Variants in KCTD1 observed in about 807,000 individuals in gnomAD.
The protein encoded by KCTD1 is potassium channel tetramerization domain containing 1, also known as BTB/POZ domain-containing protein KCTD1.
A neutral mutation model predicts 66.0 loss-of-function variants in KCTD1; 24 were observed. The ratio of observed to expected loss-of-function variants is 0.36; its 90% CI spans 0.26 to 0.51. KCTD1 has a LOEUF of 0.51. KCTD1 is among the 20% of genes least tolerant of loss of function. The probability of loss-of-function intolerance (pLI) is 0.95; values close to 1 mark genes in which losing one functional copy is unlikely to be tolerated. For synonymous variants in KCTD1, 511 were observed against 517.2 expected (o/e 0.99, Z 0.16); for missense variants, 943 against 1,205.2 (o/e 0.78, Z 3.22).
chr18:26,515,181 T>C (rs906557773), intron 1 of KCTD1, among the ~76,000 whole-genome samples: 6 of 152,324 alleles, frequency 3.9e-5, no homozygotes, highest in African/African-American at 1.4e-4. Flanking sequence ...TAGAAAACCA[T>C]TGTAACTTGT....
Position 26,501,343 on chromosome 18 carries a change from G to A in KCTD1, c.1810-93C>T, listed in dbSNP as rs188228540. On this transcript the variant is annotated intron_variant, in intron 1 of 4. Transcript: ENST00000580059. ...CATAAAGAATAAACGAGTGATTAAC[G>A]ATACTCATTCAGTAATAAAACCTGA... The A allele has an allele frequency of 6.4e-5, 70 of 1,102,076 alleles. 1 individual carries two copies. Among genetic ancestry groups the A allele is most frequent in the Admixed American group, 5.5e-4 (22 of 40,346 alleles). The allele number at this position is 1,102,076 out of a possible 1,614,324, so 68.3% of individuals were successfully genotyped here.
rs1424852945 is a variant in KCTD1 at position 26,459,611 on chromosome 18, A to G, written c.2439+9T>C. On this transcript the variant is annotated intron_variant, in intron 4 of 4. Coordinates refer to ENST00000580059, the MANE Select transcript of KCTD1 (RefSeq NM_001142730.3). ...ATTTGATGCCACACAGTGCGTAACA[A>G]TGCTATACCTGGACTGAGTTGAGGT... The G allele has an allele frequency of 2.5e-6, 4 of 1,576,824 alleles. No individual in the cohort carries two copies. The highest frequency in any genetic ancestry group is 3.4e-4 in the Middle Eastern group (2 of 5,882).
intron 1 of KCTD1, among the ~76,000 whole-genome samples, chr18:26,535,255 CTGCATTCCTTTTCTCTTTTAATTAAG>C (rs555944422): frequency 2.9e-4 from 44 of 152,306 alleles, no homozygotes; most frequent in Middle Eastern, 3.4e-3. Flanking sequence ...TGCATCAGAA[CTGCATTCCTTTTCTCTTTTAATTAAG>C]TGCTCTGAAT....
At chr18:26,515,732 A>G (rs527917301) in intron 1 of KCTD1, among the ~76,000 whole-genome samples, 13 of 151,598 alleles carry the variant, frequency 8.6e-5, no homozygotes, top group Non-Finnish European at 1.8e-4. Flanking sequence ...CTGGTCTCGA[A>G]CTCCTGGCCT....
chr18:26,648,520 T>C (rs1261996357), intron 1 of KCTD1, among the ~76,000 whole-genome samples: 1 of 152,226 alleles, frequency 6.6e-6, no homozygotes, highest in Non-Finnish European at 1.5e-5. Context: ...TATTTACACC[T>C]CTTTGGAATT....
At chr18:26,647,056 G>A (rs1485852439) in intron 1 of KCTD1, among the ~76,000 whole-genome samples, 1 of 152,110 alleles carries the variant, frequency 6.6e-6, no homozygotes, top group Non-Finnish European at 1.5e-5. Context: ...CTACTAAGTG[G>A]GGATGAGCTA....
At chr18:26,603,070 T>G (rs532982148) in intron 1 of KCTD1, among the ~76,000 whole-genome samples, 5 of 152,246 alleles carry the variant, frequency 3.3e-5, no homozygotes, top group Middle Eastern at 3.4e-3. Context: ...GCTAGCCATA[T>G]GCAGAAGATT....
rs538156072 is a variant in KCTD1, at chr18:26,473,370, G to A, written c.2133+3145C>T. 5.3e-5 allele frequency among the ~76,000 whole-genome samples: 8 copies of A among 152,132 alleles called. No individual in the cohort carries two copies. The East Asian group carries it at 9.7e-4, about 18-fold the overall frequency. ...TGGGAGCTGAACAATGAGAATACATGGACAAAGGGAGGGGAACAACACACA... is the reference window on the plus strand; with the variant it reads ...TGGGAGCTGAACAATGAGAATACATAGACAAAGGGAGGGGAACAACACACA... On this transcript the variant is annotated intron_variant, in intron 3 of 4. Transcript: ENST00000580059.
At chr18:26,591,406 G>A (rs1986599229) in intron 1 of KCTD1, 1 of 152,064 alleles carries the variant, frequency 6.6e-6, no homozygotes, top group African/African-American at 2.4e-5. Context: ...TTTCAGGAAG[G>A]GTTACTGAGA....
At chr18:26,564,852 G>A (rs1985945192) in intron 1 of KCTD1, among the ~76,000 whole-genome samples, 1 of 150,760 alleles carries the variant, frequency 6.6e-6, no homozygotes, top group Non-Finnish European at 1.5e-5. Context: ...CTGTGCCATT[G>A]CACTCCAGCC....
intron 1 of KCTD1, among the ~76,000 whole-genome samples, chr18:26,622,988 A>G (rs921212207): frequency 6.6e-6 from 1 of 152,338 alleles, no homozygotes; most frequent in Non-Finnish European, 1.5e-5. Flanking sequence ...TTCATCATCT[A>G]TATGCAATCA....
intron 3 of KCTD1, among the ~76,000 whole-genome samples, chr18:26,464,984 C>T (rs1980642578): frequency 6.6e-6 from 1 of 152,166 alleles, no homozygotes; most frequent in African/African-American, 2.4e-5. Flanking sequence ...TTTTGTTTAT[C>T]TTGTCGGGGA....
chr18:26,509,393 T>C (rs114988245), intron 1 of KCTD1, among the ~76,000 whole-genome samples: 1 of 151,994 alleles, frequency 6.6e-6, no homozygotes, highest in South Asian at 2.1e-4. Context: ...TATAATAAAA[T>C]TTTTTTTAAT....
chr18:26,537,109 T>G (rs1417780969), intron 1 of KCTD1, among the ~76,000 whole-genome samples: 1 of 152,212 alleles, frequency 6.6e-6, no homozygotes, highest in African/African-American at 2.4e-5. Context: ...CTTTCTAATG[T>G]TCTTGTTATA....
chr18:26,585,639 C>A (rs1309451016), intron 1 of KCTD1, among the ~76,000 whole-genome samples: 1 of 152,000 alleles, frequency 6.6e-6, no homozygotes, highest in Non-Finnish European at 1.5e-5. Context: ...TTTAATGGTC[C>A]AAGTCAGAGA....
Position 26,468,727 on chromosome 18 carries a change from AG to A in KCTD1, c.2133+7787del, listed in dbSNP as rs1980886359. ...GTGGCGTGTGGTGGCGTGTGCCTGT[AG>A]TCCAGCTACTTGGGAGGCTGAGGAA... On this transcript the variant is annotated intron_variant, in intron 3 of 4. Transcript: ENST00000580059. The surrounding 1 kb of genome is among the most constrained non-coding windows in gnomAD (Gnocchi z 4.8). Among the ~76,000 whole-genome samples the A allele has an allele frequency of 6.6e-6, 1 of 152,088 alleles. No homozygotes were observed. Among genetic ancestry groups the A allele is most frequent in the African/African-American group, 2.4e-5 (1 of 41,416 alleles).
chr18:26,611,909 T>G (rs1446994574), intron 1 of KCTD1, among the ~76,000 whole-genome samples: 1 of 152,166 alleles, frequency 6.6e-6, no homozygotes, highest in Non-Finnish European at 1.5e-5. Flanking sequence ...GGTTTTGCTT[T>G]TAAGATTTGT....
chr18:26,548,670 T>G, upstream of KCTD1: 3 of 962,634 alleles, frequency 3.1e-6, no homozygotes, highest in Non-Finnish European at 2.5e-6. Context: ...GCGCTCCAAT[T>G]GTCATTCCCG....
At chr18:26,498,581 AG>A (rs1217982975) in intron 2 of KCTD1, among the ~76,000 whole-genome samples, 1 of 151,826 alleles carries the variant, frequency 6.6e-6, no homozygotes, top group Non-Finnish European at 1.5e-5. Context: ...AAAATTACTG[AG>A]TTTACATTTT....
Sources: gnomAD v4.1 joint callset for allele counts (sites outside exome capture counted in the v4.1 genomes callset) on GRCh38, gnomAD v4.1.1 for gene constraint, Gnocchi (gnomAD v3.1) non-coding constraint, MANE v1.5 for transcripts, NCBI Gene and HGNC (gene_info 2026-07-23, HGNC 2026-07-21) for gene names.